NT5C2: variants seen among roughly 807,000 people sequenced by gnomAD.
NT5C2 encodes the protein cytosolic purine 5'-nucleotidase.
Under a neutral mutation model 76.1 loss-of-function variants are expected in NT5C2, and 58 were observed. The observed-to-expected ratio is 0.76, with a 90% CI of 0.62 to 0.95. The LOEUF is 0.95. Ranked by LOEUF, NT5C2 falls within the 40% of genes least tolerant of loss-of-function variation. The pLI, the probability that NT5C2 is intolerant of heterozygous loss-of-function variation, is 0.00. For missense variants in NT5C2, 478 were observed against 690.3 expected (o/e 0.69, Z 3.45); for synonymous variants, 229 against 237.4 (o/e 0.96, Z 0.32).
intron 3 of NT5C2, among the ~76,000 whole-genome samples, chr10:103,145,644 T>C (rs923834876): frequency 1.3e-5 from 2 of 152,184 alleles, no homozygotes; most frequent in Non-Finnish European, 2.9e-5. Context: ...CTAGAAAGCA[T>C]GACTAAACTA....
chr10:103,175,642 C>T (rs1465144647), intron 2 of NT5C2: 2 of 224,648 alleles, frequency 8.9e-6, no homozygotes, highest in Non-Finnish European at 1.9e-5. Context: ...ACGGACAAGA[C>T]GATGGCCACG....
At chr10:103,184,357 G>C (rs892210114) in intron 1 of NT5C2, among the ~76,000 whole-genome samples, 4 of 152,088 alleles carry the variant, frequency 2.6e-5, no homozygotes, top group Non-Finnish European at 5.9e-5. Context: ...ACACTCAATA[G>C]TTCACACACC....
At chr10:103,152,214 G>C (rs1312314752) in intron 3 of NT5C2, among the ~76,000 whole-genome samples, 2 of 152,166 alleles carry the variant, frequency 1.3e-5, no homozygotes, top group Non-Finnish European at 1.5e-5. Context: ...GCCAGTGGTA[G>C]AAGGAAAGAA....
chr10:103,113,563 A>T (rs929784992), intron 4 of NT5C2, among the ~76,000 whole-genome samples: 3 of 152,202 alleles, frequency 2.0e-5, no homozygotes, highest in Non-Finnish European at 4.4e-5. Context: ...AGAAGAATTT[A>T]ACAAACATTT....
intron 4 of NT5C2, among the ~76,000 whole-genome samples, chr10:103,122,702 C>G (rs1331441213): frequency 6.6e-6 from 1 of 152,170 alleles, no homozygotes; most frequent in Non-Finnish European, 1.5e-5. Context: ...TCCCCTAAAG[C>G]AGGTCATACT....
At chr10:103,155,723 C>T (rs920478498) in intron 3 of NT5C2, among the ~76,000 whole-genome samples, 4 of 152,120 alleles carry the variant, frequency 2.6e-5, no homozygotes, top group African/African-American at 9.7e-5. Flanking sequence ...GTTGACAGAA[C>T]ACAGAATCTG....
chr10:103,094,076 C>A (rs1325625381), intron 13 of NT5C2, 38 bp from the exon 14 acceptor site: 1 of 1,543,258 alleles, frequency 6.5e-7, no homozygotes, highest in Non-Finnish European at 9.0e-7. Context: ...ACTTTATCAT[C>A]CTATCACAAT....
intron 4 of NT5C2, among the ~76,000 whole-genome samples, chr10:103,109,027 T>C (rs1283055685): frequency 6.6e-6 from 1 of 152,010 alleles, no homozygotes; most frequent in Non-Finnish European, 1.5e-5. Flanking sequence ...CCTGGTATTT[T>C]TAGTTGAGAC....
chr10:103,102,859 T>C (rs2070152138), intron 6 of NT5C2, among the ~76,000 whole-genome samples: 1 of 151,928 alleles, frequency 6.6e-6, no homozygotes, highest in Non-Finnish European at 1.5e-5. Flanking sequence ...TTAAAAGAGA[T>C]TCAGCCTTGA....
rs554385085 is a variant in NT5C2 at position 103,128,114 on chromosome 10, C to A, written c.175+11292G>T. Among the ~76,000 whole-genome samples the A allele has an allele frequency of 1.4e-4, 21 of 151,194 alleles. No individual in the cohort carries two copies. In the East Asian group the frequency reaches 4.0e-3, roughly 29 times the overall value. ...CTGTCTCCCTCTCCCCACGGTCTCCCTCTCATGCGGAGCCGAAGCTGGACT... is the reference window on the plus strand; with the variant it reads ...CTGTCTCCCTCTCCCCACGGTCTCCATCTCATGCGGAGCCGAAGCTGGACT... On this transcript the variant is annotated intron_variant, in intron 4 of 18. Coordinates refer to ENST00000404739, the MANE Select transcript of NT5C2 (RefSeq NM_001351169.2).
chr10:103,136,095 A>C (rs890988164), intron 4 of NT5C2, among the ~76,000 whole-genome samples: 1 of 152,262 alleles, frequency 6.6e-6, no homozygotes, highest in East Asian at 1.9e-4. Flanking sequence ...TCCAAAAAAA[A>C]AACCCTCTTT....
chr10:103,134,474 C>A (rs1224595234), intron 4 of NT5C2, among the ~76,000 whole-genome samples: 2 of 152,166 alleles, frequency 1.3e-5, no homozygotes, highest in South Asian at 2.1e-4. Context: ...GCACAGAAGT[C>A]AAAAATTGGG....
At chr10:103,120,370 T>A (rs1036507540) in intron 4 of NT5C2, among the ~76,000 whole-genome samples, 1 of 152,128 alleles carries the variant, frequency 6.6e-6, no homozygotes, top group Non-Finnish European at 1.5e-5. Flanking sequence ...AGAGACAATA[T>A]TTGCAAATTG....
intron 3 of NT5C2, among the ~76,000 whole-genome samples, chr10:103,151,750 T>C (rs968960539): frequency 6.6e-6 from 1 of 152,210 alleles, no homozygotes; most frequent in Non-Finnish European, 1.5e-5. Flanking sequence ...ATTGCACTTA[T>C]GAAAACGGTG....
At chr10:103,175,061 A>G in intron 2 of NT5C2, 79 bp from the exon 3 acceptor site, 1 of 789,596 alleles carries the variant, frequency 1.3e-6, no homozygotes, top group East Asian at 2.6e-5. Flanking sequence ...AAAATCAGAA[A>G]AACTCCAGCT....
chr10:103,127,819 G>A (rs529077000), intron 4 of NT5C2, among the ~76,000 whole-genome samples: 2 of 152,150 alleles, frequency 1.3e-5, no homozygotes, highest in African/African-American at 4.8e-5. Flanking sequence ...GCCTCCCAAG[G>A]TGCTGGGATT....
intron 2 of NT5C2, 42 bp from the exon 3 acceptor site, chr10:103,175,024 T>A (rs2134864748): frequency 1.8e-6 from 2 of 1,119,612 alleles, no homozygotes; most frequent in Non-Finnish European, 2.7e-6. Flanking sequence ...AATATTGGCA[T>A]CTGTATACTG....
At chr10:103,102,891 G>A (rs959540733) in intron 6 of NT5C2, among the ~76,000 whole-genome samples, 9 of 151,752 alleles carry the variant, frequency 5.9e-5, no homozygotes, top group African/African-American at 2.2e-4. Flanking sequence ...GATCATCTAC[G>A]TACAGATACT....
At chr10:103,099,067 A>G (rs181361225) in intron 9 of NT5C2, 83 bp from the exon 10 acceptor site, 1 of 1,020,974 alleles carries the variant, frequency 9.8e-7, no homozygotes, top group East Asian at 2.6e-5. Flanking sequence ...GGTTTTTACT[A>G]ATCAACCCAA....
Sources: gnomAD v4.1 joint callset for allele counts (sites outside exome capture counted in the v4.1 genomes callset) on GRCh38, gnomAD v4.1.1 for gene constraint, MANE v1.5 for transcripts, NCBI Gene and HGNC (gene_info 2026-07-23, HGNC 2026-07-21) for gene names.